Variants in RBFOX2 observed in about 807,000 individuals in gnomAD.
The protein encoded by RBFOX2 is RNA binding protein fox-1 homolog 2.
A neutral mutation model predicts 49.1 loss-of-function variants in RBFOX2; 10 were observed. The ratio of observed to expected loss-of-function variants is 0.20; its 90% CI spans 0.13 to 0.35. The LOEUF (loss-of-function observed/expected upper bound fraction) is 0.35. Ranked by LOEUF, RBFOX2 falls within the 10% of genes least tolerant of loss-of-function variation. The probability of loss-of-function intolerance (pLI) is 1.00; values close to 1 mark genes in which losing one functional copy is unlikely to be tolerated. For missense variants in RBFOX2, 323 were observed against 486.9 expected, an observed-to-expected ratio of 0.66 and a Z score of 3.17; for synonymous variants, 183 against 187.4, an observed-to-expected ratio of 0.98 and a Z score of 0.19.
intron 1 of RBFOX2, among the ~76,000 whole-genome samples, chr22:35,881,222 G>A (rs1012646584): frequency 2.4e-4 from 36 of 151,822 alleles, no homozygotes; most frequent in African/African-American, 5.3e-4. Flanking sequence ...CGACGATCGC[G>A]CCACTGCACT....
chr22:35,902,336 A>G (rs778462884), intron 1 of RBFOX2, among the ~76,000 whole-genome samples: 11 of 151,960 alleles, frequency 7.2e-5, no homozygotes, highest in Admixed American at 4.6e-4. Context: ...AATACCCTCA[A>G]TCATTTGTCC....
chr22:35,960,410 G>C (rs1283855389), intron 1 of RBFOX2, among the ~76,000 whole-genome samples: 2 of 152,138 alleles, frequency 1.3e-5, no homozygotes, highest in Admixed American at 6.5e-5. Flanking sequence ...ATTTCAAAGA[G>C]TCTGTGCCCT....
chr22:35,792,849 T>C (rs1948027189), intron 2 of RBFOX2, among the ~76,000 whole-genome samples: 1 of 152,262 alleles, frequency 6.6e-6, no homozygotes, highest in Non-Finnish European at 1.5e-5. Flanking sequence ...CTTTTCATTA[T>C]GCCATTGCAT....
intron 1 of RBFOX2, among the ~76,000 whole-genome samples, chr22:35,910,039 T>G (rs187021506): frequency 1.3e-5 from 2 of 152,370 alleles, no homozygotes; most frequent in Admixed American, 1.3e-4. Flanking sequence ...AACAAAGTCA[T>G]GATTTTTTGC....
intron 1 of RBFOX2, among the ~76,000 whole-genome samples, chr22:35,830,474 G>T (rs1400940079): frequency 6.6e-6 from 1 of 152,222 alleles, no homozygotes; most frequent in Admixed American, 6.5e-5. Context: ...ACAGGGATAT[G>T]TTCTGAGAAA....
chr22:36,021,951 A>G (rs1304970302), intron 1 of RBFOX2, among the ~76,000 whole-genome samples: 1 of 152,184 alleles, frequency 6.6e-6, no homozygotes, highest in Non-Finnish European at 1.5e-5. Context: ...GGGCCACCTA[A>G]AACACCAAAT....
chr22:35,896,159 T>A (rs113317361), intron 1 of RBFOX2, among the ~76,000 whole-genome samples: 265 of 152,300 alleles, frequency 1.7e-3, no homozygotes, highest in African/African-American at 6.2e-3. Context: ...TAACATGGCA[T>A]TGACCACCTC....
intron 1 of RBFOX2, among the ~76,000 whole-genome samples, chr22:35,851,523 A>G (rs1449248502): frequency 6.6e-6 from 1 of 152,172 alleles, no homozygotes; most frequent in Non-Finnish European, 1.5e-5. Flanking sequence ...ACATGGAAAA[A>G]CATTTTTTAA....
rs972072572 is a variant in RBFOX2, at chr22:35,888,088, T to C, written c.-34+50759A>G. Among the ~76,000 whole-genome samples, 6 of 152,278 alleles carry C rather than the reference T, an allele frequency of 3.9e-5. 1 individual carries two copies. In the South Asian group the frequency reaches 1.2e-3, roughly 32 times the overall value. Reference sequence around the variant, plus strand: ...TTAATTTCCTTGTCCTCTTTTCCCTTAGTCTAACTCATTTGGCAGCTCCAA... The same window carrying C: ...TTAATTTCCTTGTCCTCTTTTCCCTCAGTCTAACTCATTTGGCAGCTCCAA... On this transcript the variant is annotated intron_variant, in intron 1 of 13. Transcript: ENST00000359369.
chr22:36,020,739 G>C (rs1285042158), intron 1 of RBFOX2, among the ~76,000 whole-genome samples: 5 of 152,128 alleles, frequency 3.3e-5, no homozygotes, highest in Admixed American at 3.3e-4. Flanking sequence ...TAAAAAGTCA[G>C]GAAACAACAG....
intron 1 of RBFOX2, among the ~76,000 whole-genome samples, chr22:35,813,246 A>C (rs1952279906): frequency 6.6e-6 from 1 of 152,236 alleles, no homozygotes; most frequent in African/African-American, 2.4e-5. Flanking sequence ...ACATTATTAA[A>C]AATGTCAAAT....
intron 11 of RBFOX2, among the ~76,000 whole-genome samples, chr22:35,744,743 A>G (rs1413506906): frequency 6.6e-6 from 1 of 152,238 alleles, no homozygotes. Context: ...AACCTGAGCC[A>G]GTCTTTAATA....
chr22:35,850,158 G>A (rs912636832), intron 1 of RBFOX2, among the ~76,000 whole-genome samples: 2 of 150,802 alleles, frequency 1.3e-5, no homozygotes, highest in Non-Finnish European at 2.9e-5. Flanking sequence ...GCATGTACCC[G>A]TGTGCACGCA....
intron 1 of RBFOX2, among the ~76,000 whole-genome samples, chr22:35,886,560 G>A (rs973270836): frequency 1.3e-5 from 2 of 152,098 alleles, no homozygotes; most frequent in African/African-American, 2.4e-5. Flanking sequence ...TCGGCTATAC[G>A]GTATGTACGA....
intron 1 of RBFOX2, among the ~76,000 whole-genome samples, chr22:35,902,832 T>A (rs1267732189): frequency 2.8e-5 from 4 of 143,076 alleles, no homozygotes; most frequent in Admixed American, 6.8e-5. Context: ...AAAAAAAAAA[T>A]TTAGAGAAGG....
chr22:35,775,860 A>AAAAGAAC lies in RBFOX2; in HGVS notation c.453+2164_453+2165insGTTCTTT, dbSNP rs1555896239. Among the ~76,000 whole-genome samples the AAAAGAAC allele has an allele frequency of 1.6e-3, 239 of 149,174 alleles. 2 individuals are homozygous for AAAAGAAC. Among genetic ancestry groups the AAAAGAAC allele is most frequent in the African/African-American group, 5.8e-3 (231 of 40,036 alleles). On this transcript the variant is annotated intron_variant, in intron 4 of 11. Coordinates refer to ENST00000405409, the Ensembl canonical transcript of RBFOX2. ...CTGCCTCAAAAAAAAAAAAAAAAAA[A>AAAAGAAC]AGAAAAGAAAAGAAAAGAAAAAGAA...
At chr22:35,813,138 C>G (rs1242482294) in intron 1 of RBFOX2, among the ~76,000 whole-genome samples, 1 of 152,084 alleles carries the variant, frequency 6.6e-6, no homozygotes, top group East Asian at 1.9e-4. Flanking sequence ...AAAAATGTAA[C>G]AACAATTGTT....
intron 1 of RBFOX2, among the ~76,000 whole-genome samples, chr22:36,013,597 G>C (rs1233527240): frequency 6.6e-6 from 1 of 151,762 alleles, no homozygotes; most frequent in Non-Finnish European, 1.5e-5. Flanking sequence ...TAATCTCAGA[G>C]TGGTAAAACC....
At chr22:35,914,509 C>G (rs1392588994) in intron 1 of RBFOX2, among the ~76,000 whole-genome samples, 1 of 152,214 alleles carries the variant, frequency 6.6e-6, no homozygotes, top group Non-Finnish European at 1.5e-5. Flanking sequence ...AAGCCAGTTC[C>G]TTCAAGTTCA....
Sources: allele counts gnomAD v4.1 joint callset (sites outside exome capture counted in the v4.1 genomes callset), GRCh38; gene constraint gnomAD v4.1.1; transcripts MANE v1.5; gene names NCBI Gene and HGNC (gene_info 2026-07-23, HGNC 2026-07-21).